The following MEIS2 variants were observed in gnomAD, a reference collection of about 807,000 sequenced individuals.
MEIS2 encodes Meis homeobox 2.
A neutral mutation model predicts 58.6 loss-of-function variants in MEIS2; 9 were observed. The observed-to-expected ratio is 0.15, with a 90% CI of 0.09 to 0.27. MEIS2 has a LOEUF of 0.27. Among genes scored for constraint, MEIS2 ranks in the 10% least tolerant of loss-of-function variants. MEIS2 has a pLI of 1.00. For missense variants in MEIS2, 427 were observed against 635.0 expected, an observed-to-expected ratio of 0.67 and a Z score of 3.52; for synonymous variants, 221 against 228.4, an observed-to-expected ratio of 0.97 and a Z score of 0.29.
chr15:36,928,974 G>C (rs1270720233), intron 9 of MEIS2, among the ~76,000 whole-genome samples: 1 of 152,116 alleles, frequency 6.6e-6, no homozygotes, highest in African/African-American at 2.4e-5. Flanking sequence ...ATAACTCACA[G>C]TTCATGTCTA....
intron 7 of MEIS2, among the ~76,000 whole-genome samples, chr15:37,044,277 C>T (rs2062569595): frequency 6.6e-6 from 1 of 152,064 alleles, no homozygotes; most frequent in African/African-American, 2.4e-5. Context: ...GCCCTCTCTG[C>T]TAAAGAAATA....
chr15:36,948,801 G>T (rs202110509), intron 9 of MEIS2, among the ~76,000 whole-genome samples: 2 of 151,946 alleles, frequency 1.3e-5, no homozygotes, highest in South Asian at 4.2e-4. Context: ...ACTATGAAGC[G>T]CCTATCAATG....
intron 7 of MEIS2, among the ~76,000 whole-genome samples, chr15:37,078,863 T>C (rs1891812017): frequency 6.7e-6 from 1 of 149,820 alleles, no homozygotes. Context: ...ATGACTCAGT[T>C]AAAAAAAAAA....
intron 9 of MEIS2, among the ~76,000 whole-genome samples, chr15:36,922,486 C>A (rs1158860100): frequency 6.6e-6 from 1 of 150,462 alleles, no homozygotes; most frequent in African/African-American, 2.5e-5. Flanking sequence ...TTAAATGTTA[C>A]ATTTTACGGG....
chr15:37,073,772 T>C lies in MEIS2; in HGVS notation c.754+9999A>G. Among the ~76,000 whole-genome samples, 2 of 152,082 alleles carry C rather than the reference T, an allele frequency of 1.3e-5. 1 individual carries two copies. The highest frequency in any genetic ancestry group is 3.8e-4 in the East Asian group (2 of 5,200). On this transcript the variant is annotated intron_variant, in intron 7 of 11. Transcript: ENST00000561208. The stretch of plus-strand genomic sequence containing the variant: ...TACAAATGTTAGTTGGAAGAAGAGA[T>C]ATGAAATTTTACACTCCCAGTCTAC...
At position 37,051,796 on chromosome 15, in the gene MEIS2, A is replaced by G. The variant is rs73393598; in HGVS notation, c.755-14837T>C. 6.1e-3 allele frequency among the ~76,000 whole-genome samples: 925 copies of G among 152,296 alleles called. 12 individuals carry two copies. The highest frequency in any genetic ancestry group is 0.021 in the African/African-American group (891 of 41,560). ...CTGGATGATTTGGGGCAGCATTTGAAAGAAGCTGTGAGGAGAAGCTCAACA... is the reference window on the plus strand; with the variant it reads ...CTGGATGATTTGGGGCAGCATTTGAGAGAAGCTGTGAGGAGAAGCTCAACA... On this transcript the variant is annotated intron_variant, in intron 7 of 11. Coordinates refer to ENST00000561208, the MANE Select transcript of MEIS2 (RefSeq NM_170675.5).
chr15:37,032,803 C>A (rs946699979), intron 8 of MEIS2, among the ~76,000 whole-genome samples: 1 of 151,692 alleles, frequency 6.6e-6, no homozygotes. Context: ...TAGGGTAGTT[C>A]GAAACAAAAA....
chr15:36,956,758 A>G lies in MEIS2; in HGVS notation c.901-6358T>C, dbSNP rs2058991596. Among the ~76,000 whole-genome samples, 3 of 152,206 alleles carry G rather than the reference A, an allele frequency of 2.0e-5. No homozygotes were observed. In the South Asian group the frequency reaches 6.2e-4, roughly 32 times the overall value. On this transcript the variant is annotated intron_variant, in intron 8 of 11. Coordinates refer to ENST00000561208, the MANE Select transcript of MEIS2 (RefSeq NM_170675.5). ...TCTACACCTATAAACTTTACCTAAA[A>G]GTAACCACCTTTTACCTTTCAGTCA...
intron 8 of MEIS2, among the ~76,000 whole-genome samples, chr15:37,030,406 C>T (rs2061868828): frequency 6.6e-6 from 1 of 151,956 alleles, no homozygotes; most frequent in Non-Finnish European, 1.5e-5. Flanking sequence ...GCACAGTCTC[C>T]ACTCACTGCA....
intron 8 of MEIS2, among the ~76,000 whole-genome samples, chr15:36,999,930 CAT>C (rs2060659830): frequency 6.6e-6 from 1 of 152,084 alleles, no homozygotes; most frequent in Admixed American, 6.5e-5. Context: ...TTGGAGTGAT[CAT>C]GGCACACAAC....
chr15:37,055,936 C>G (rs1243509235), intron 7 of MEIS2, among the ~76,000 whole-genome samples: 2 of 152,216 alleles, frequency 1.3e-5, no homozygotes, highest in African/African-American at 4.8e-5. Flanking sequence ...TTCTAAATTA[C>G]ATACCATAAT....
At chr15:37,038,215 C>T (rs1180111803) in intron 7 of MEIS2, among the ~76,000 whole-genome samples, 3 of 152,206 alleles carry the variant, frequency 2.0e-5, no homozygotes, top group Admixed American at 2.0e-4. Context: ...ACTCTGTGCT[C>T]AATGTAGCCT....
intron 9 of MEIS2, among the ~76,000 whole-genome samples, chr15:36,936,920 G>C (rs921402393): frequency 6.6e-6 from 1 of 152,214 alleles, no homozygotes; most frequent in African/African-American, 2.4e-5. Flanking sequence ...GGGTTCCTCT[G>C]TATTAGTGTT....
At chr15:36,961,761 G>C (rs2059191192) in intron 8 of MEIS2, among the ~76,000 whole-genome samples, 1 of 151,980 alleles carries the variant, frequency 6.6e-6, no homozygotes, top group Admixed American at 6.6e-5. Flanking sequence ...CTGGACAAAA[G>C]AAAGAGAAAT....
intron 7 of MEIS2, among the ~76,000 whole-genome samples, chr15:37,071,576 A>C (rs916848096): frequency 6.6e-6 from 1 of 152,126 alleles, no homozygotes; most frequent in Non-Finnish European, 1.5e-5. Context: ...TATTTATAAC[A>C]TTTACTTACT....
intron 8 of MEIS2, among the ~76,000 whole-genome samples, chr15:37,024,287 G>A (rs1433353206): frequency 6.6e-6 from 1 of 152,100 alleles, no homozygotes; most frequent in East Asian, 1.9e-4. Context: ...CTGGTCTGAT[G>A]TCTTTATCTC....
intron 1 of MEIS2, chr15:37,099,119 C>A: frequency 9.5e-7 from 1 of 1,057,482 alleles, no homozygotes; most frequent in South Asian, 4.4e-5. Flanking sequence ...CCGGGGGAAT[C>A]GCGCTGCTGG....
intron 9 of MEIS2, among the ~76,000 whole-genome samples, chr15:36,916,395 C>G (rs142466539): frequency 6.7e-6 from 1 of 148,898 alleles, no homozygotes; most frequent in Non-Finnish European, 1.5e-5. Context: ...CCGCTGCACT[C>G]CAGCCTGGGT....
At chr15:36,928,457 G>A (rs903857958) in intron 9 of MEIS2, among the ~76,000 whole-genome samples, 1 of 152,136 alleles carries the variant, frequency 6.6e-6, no homozygotes, top group Non-Finnish European at 1.5e-5. Flanking sequence ...GGTCCAAACC[G>A]ATAGTTAATA....
Sources: gnomAD v4.1 joint callset for allele counts (sites outside exome capture counted in the v4.1 genomes callset) on GRCh38, gnomAD v4.1.1 for gene constraint, MANE v1.5 for transcripts, NCBI Gene and HGNC (gene_info 2026-07-23, HGNC 2026-07-21) for gene names.